The following PCNX1 variants were observed in gnomAD, a reference collection of about 807,000 sequenced individuals.
PCNX1 encodes the protein pecanex-like protein 1.
Under a neutral mutation model 242.2 loss-of-function variants are expected in PCNX1, and 78 were observed. That is an observed-to-expected ratio of 0.32 (90% CI 0.27 to 0.39). PCNX1 has a LOEUF of 0.39. PCNX1 is among the 10% of genes least tolerant of loss of function. PCNX1 has a pLI of 1.00. For missense variants in PCNX1, 2,581 were observed against 2,856.5 expected, an observed-to-expected ratio of 0.90 and a Z score of 2.20; for synonymous variants, 1,024 against 1,032.9, an observed-to-expected ratio of 0.99 and a Z score of 0.17.
intron 1 of PCNX1, among the ~76,000 whole-genome samples, chr14:70,933,734 A>T (rs896959072): frequency 1.3e-5 from 2 of 152,240 alleles, no homozygotes; most frequent in African/African-American, 4.8e-5. Flanking sequence ...TAATAGAGCC[A>T]TGAGGTGATT....
At chr14:70,940,107 T>C (rs1328265805) in intron 1 of PCNX1, among the ~76,000 whole-genome samples, 2 of 152,232 alleles carry the variant, frequency 1.3e-5, no homozygotes, top group Non-Finnish European at 2.9e-5. Context: ...TGTCTTTTAA[T>C]TGGAGCATTT....
chr14:71,051,431 A>G (rs966582505), intron 23 of PCNX1, among the ~76,000 whole-genome samples: 7 of 152,088 alleles, frequency 4.6e-5, no homozygotes, highest in African/African-American at 7.2e-5. Context: ...TTTTTTCATA[A>G]TATGATTATG....
At chr14:71,060,276 A>T (rs922479362) in intron 26 of PCNX1, among the ~76,000 whole-genome samples, 1 of 152,206 alleles carries the variant, frequency 6.6e-6, no homozygotes. Flanking sequence ...AATCTAGCAC[A>T]TACAATTATG....
intron 1 of PCNX1, among the ~76,000 whole-genome samples, chr14:70,921,404 C>T (rs1167565073): frequency 2.0e-5 from 3 of 152,080 alleles, no homozygotes; most frequent in Admixed American, 2.0e-4. Context: ...TCTGAGTCTC[C>T]TGAGTAGCTA....
rs1167825721 is a variant in PCNX1, at chr14:70,956,586, CAAAA to C, written c.363-5636_363-5633del. Among the ~76,000 whole-genome samples, 5 of 151,830 alleles carry C rather than the reference CAAAA, an allele frequency of 3.3e-5. No homozygotes were observed. The East Asian group carries it at 9.7e-4, about 29-fold the overall frequency. On this transcript the variant is annotated intron_variant, in intron 2 of 35. Transcript: ENST00000304743. ...AAAAAAACAAAACAAAACAAAAACACAAAAAAAGCAAGAATGTGGGCTTTAGGGT... is the reference window on the plus strand; with the variant it reads ...AAAAAAACAAAACAAAACAAAAACACAAAGCAAGAATGTGGGCTTTAGGGT...
At chr14:70,922,526 T>C (rs2056417130) in intron 1 of PCNX1, among the ~76,000 whole-genome samples, 1 of 152,154 alleles carries the variant, frequency 6.6e-6, no homozygotes, top group Non-Finnish European at 1.5e-5. Flanking sequence ...CTGTTCTCTA[T>C]CATCCACGCT....
intron 28 of PCNX1, 99 bp from the exon 29 acceptor site, chr14:71,088,231 T>G: frequency 1.6e-6 from 1 of 608,576 alleles, no homozygotes; most frequent in East Asian, 2.8e-5. Context: ...AATTATGTAC[T>G]CTTTGAATTC....
At chr14:70,955,611 A>G (rs2057961988) in intron 2 of PCNX1, among the ~76,000 whole-genome samples, 1 of 152,104 alleles carries the variant, frequency 6.6e-6, no homozygotes, top group Admixed American at 6.5e-5. Flanking sequence ...ATAAAGGTAG[A>G]TATTACCTGA....
At chr14:71,037,454 A>G (rs202099256) in intron 19 of PCNX1, among the ~76,000 whole-genome samples, 2 of 149,894 alleles carry the variant, frequency 1.3e-5, no homozygotes, top group East Asian at 3.9e-4. Context: ...TTATTTTGAA[A>G]TATGTCCCAT....
rs2062748527 is a variant in PCNX1 at position 71,111,224 on chromosome 14, T to C, written c.*1289T>C. ...CATATTCAGGGAAATATATTACTCA[T>C]ATTTACAATTGGGCGATATAGGAAC... is the stretch of plus-strand genomic sequence containing the variant. On this transcript the variant is annotated 3_prime_UTR_variant, in exon 36 of 36. Transcript: ENST00000304743. 6.6e-6 allele frequency: 1 copy of C among 152,618 alleles called. No homozygotes were observed. The highest frequency in any genetic ancestry group is 1.5e-5 in the Non-Finnish European group (1 of 68,038). The allele number at this position is 152,618 out of a possible 1,614,324, so 9.5% of individuals were successfully genotyped here.
At chr14:71,069,260 A>G (rs2061532085) in intron 26 of PCNX1, among the ~76,000 whole-genome samples, 1 of 152,240 alleles carries the variant, frequency 6.6e-6, no homozygotes, top group South Asian at 2.1e-4. Context: ...ATTCAAGATC[A>G]GATTTGGGTG....
Position 70,978,481 on chromosome 14 carries a change from C to T in PCNX1, c.2144C>T (p.Pro715Leu). The T allele has an allele frequency of 6.2e-7, 1 of 1,614,110 alleles. No homozygotes were observed. The highest frequency in any genetic ancestry group is 8.5e-7 in the Non-Finnish European group (1 of 1,180,000). ...NRLMAPESIK[P>L]LTTSKSDLEA... ...TTAATGGCACCTGAAAGTATAAAGC[C>T]CTTAACCACTTCAAAATCAGATCTT... The change falls in exon 6 of 36, where the codon CCC becomes CTC. Residue 715 changes from proline (P) to leucine (L), a missense_variant. Transcript: ENST00000304743.
intron 5 of PCNX1, among the ~76,000 whole-genome samples, chr14:70,970,306 C>T (rs771875359): frequency 6.6e-6 from 1 of 151,268 alleles, no homozygotes; most frequent in Non-Finnish European, 1.5e-5. Context: ...GTTGAGGCAG[C>T]AATAAGTTGT....
chr14:70,919,482 T>C (rs1245088797), intron 1 of PCNX1, among the ~76,000 whole-genome samples: 1 of 152,100 alleles, frequency 6.6e-6, no homozygotes, highest in Non-Finnish European at 1.5e-5. Context: ...CTGGAGGGGC[T>C]AAGAATTTTT....
chr14:71,007,997 A>T (rs1253356269), intron 8 of PCNX1, among the ~76,000 whole-genome samples: 1 of 152,140 alleles, frequency 6.6e-6, no homozygotes, highest in Non-Finnish European at 1.5e-5. Flanking sequence ...CATGCTGAAT[A>T]ACCTTGAAAA....
chr14:71,076,351 A>G lies in PCNX1; in HGVS notation c.5269A>G (p.Ile1757Val), dbSNP rs756382285. The G allele has an allele frequency of 3.7e-6, 6 of 1,614,024 alleles. No individual in the cohort carries two copies. Among genetic ancestry groups the G allele is most frequent in the East Asian group, 2.2e-5 (1 of 44,884 alleles). ...DEDYDHRLAG[I>V]SRESFCVIYL... ...AGACTATGACCACCGACTGGCAGGCATATCTAGGGAGAGTTTCTGTGTGAT... is the reference window on the plus strand; with the variant it reads ...AGACTATGACCACCGACTGGCAGGCGTATCTAGGGAGAGTTTCTGTGTGAT... Residue 1757 changes from isoleucine (I) to valine (V), a missense_variant, in exon 28 of 36, where the codon ATA (isoleucine) becomes GTA (valine). Coordinates refer to ENST00000304743, the MANE Select transcript of PCNX1 (RefSeq NM_014982.3).
chr14:71,070,446 A>G (rs2061559902), intron 26 of PCNX1, among the ~76,000 whole-genome samples: 1 of 152,224 alleles, frequency 6.6e-6, no homozygotes, highest in Admixed American at 6.5e-5. Context: ...TAGCCTTACA[A>G]AATTTATTTC....
At chr14:70,910,689 T>A (rs536110548) in intron 1 of PCNX1, among the ~76,000 whole-genome samples, 5 of 152,154 alleles carry the variant, frequency 3.3e-5, no homozygotes, top group Admixed American at 6.5e-5. Context: ...CTAACTGATA[T>A]CTATTTATTT....
At chr14:71,094,737 G>A (rs1389224054) in intron 30 of PCNX1, among the ~76,000 whole-genome samples, 1 of 152,142 alleles carries the variant, frequency 6.6e-6, no homozygotes, top group African/African-American at 2.4e-5. Flanking sequence ...AGACCTGCCT[G>A]GTCAACATAG....
Sources: allele counts gnomAD v4.1 joint callset (sites outside exome capture counted in the v4.1 genomes callset), GRCh38; gene constraint gnomAD v4.1.1; transcripts MANE v1.5; gene names NCBI Gene and HGNC (gene_info 2026-07-23, HGNC 2026-07-21).